The following RUBCNL variants were observed in gnomAD, a reference collection of about 807,000 sequenced individuals.
The protein encoded by RUBCNL is protein associated with UVRAG as autophagy enhancer.
A neutral mutation model predicts 69.5 loss-of-function variants in RUBCNL; 62 were observed. The observed-to-expected ratio is 0.89, with a 90% CI of 0.73 to 1.10. The LOEUF is 1.10. RUBCNL is among the 50% of genes least tolerant of loss of function. The pLI, the probability that RUBCNL is intolerant of heterozygous loss-of-function variation, is 0.00. For missense variants in RUBCNL, 768 were observed against 798.1 expected, an observed-to-expected ratio of 0.96 and a Z score of 0.45; for synonymous variants, 291 against 303.6, an observed-to-expected ratio of 0.96 and a Z score of 0.43.
upstream of RUBCNL, among the ~76,000 whole-genome samples, chr13:46,388,301 G>GGAA (rs1415190928): frequency 2.7e-5 from 4 of 146,166 alleles, no homozygotes; most frequent in Admixed American, 2.1e-4. Flanking sequence ...GAGGGAGGGA[G>GGAA]GGAAGAAGGA....
chr13:46,387,571 C>A, upstream of RUBCNL: 1 of 985,554 alleles, frequency 1.0e-6, no homozygotes, highest in Non-Finnish European at 1.2e-6. Context: ...AAATGACTTC[C>A]CAACCCCAGA....
intron 12 of RUBCNL, among the ~76,000 whole-genome samples, chr13:46,348,940 GCTCT>G (rs531063252): frequency 8.8e-4 from 134 of 152,202 alleles, no homozygotes; most frequent in African/African-American, 3.1e-3. Context: ...CCCTGCAAAT[GCTCT>G]CTCTTTGCCT....
At position 46,368,186 on chromosome 13, in the gene RUBCNL, T is replaced by G. The variant is rs749638649; in HGVS notation, c.682A>C (p.Ile228Leu). Residue 228 changes from isoleucine to leucine, a missense_variant, in exon 5 of 15, where the codon ATT becomes CTT. Transcript: ENST00000429979. ...ISAMEKMKCN[I>L]LSQQQTESWS... ...CTCTCTGTCTGCTGTTGACTCAGAA[T>G]GTTACACTTCATTTTCTCCATTGCT... is the stretch of plus-strand genomic sequence containing the variant. The G allele has an allele frequency of 6.2e-7, 1 of 1,613,892 alleles. No homozygotes were observed. The highest frequency in any genetic ancestry group is 1.3e-5 in the African/African-American group (1 of 74,950).
intron 14 of RUBCNL, among the ~76,000 whole-genome samples, chr13:46,344,259 G>C (rs188597482): frequency 6.6e-6 from 1 of 152,314 alleles, no homozygotes; most frequent in East Asian, 1.9e-4. Context: ...ATTAAACAGA[G>C]TTTACAGAAC....
chr13:46,348,433 A>T (rs2048296624), intron 12 of RUBCNL, among the ~76,000 whole-genome samples: 2 of 152,112 alleles, frequency 1.3e-5, no homozygotes, highest in Admixed American at 6.5e-5. Flanking sequence ...CTTCTTAATG[A>T]GTTAAATTCT....
intron 9 of RUBCNL, 35 bp from the exon 10 acceptor site, chr13:46,356,531 A>G: frequency 6.3e-7 from 1 of 1,587,626 alleles, no homozygotes; most frequent in South Asian, 1.1e-5. Flanking sequence ...TACATTTCAG[A>G]GAAGGCCAAT....
chr13:46,351,679 C>A (rs1487059673), intron 10 of RUBCNL, among the ~76,000 whole-genome samples: 12 of 152,188 alleles, frequency 7.9e-5, no homozygotes, highest in African/African-American at 2.9e-4. Context: ...CATCCAGTTA[C>A]AAATAGGTAT....
intron 1 of RUBCNL, among the ~76,000 whole-genome samples, chr13:46,383,463 C>T (rs1286036606): frequency 1.3e-5 from 2 of 152,250 alleles, no homozygotes; most frequent in Non-Finnish European, 2.9e-5. Context: ...CTCATCAATT[C>T]ATAACTAATG....
intron 7 of RUBCNL, among the ~76,000 whole-genome samples, 188 bp from the exon 8 acceptor site, chr13:46,361,761 AT>A (rs2048616140): frequency 6.6e-6 from 1 of 152,108 alleles, no homozygotes; most frequent in South Asian, 2.1e-4. Flanking sequence ...TAAATAAAGC[AT>A]CTTTTATTTA....
chr13:46,376,480 G>A (rs769616671), intron 2 of RUBCNL, among the ~76,000 whole-genome samples: 54 of 151,948 alleles, frequency 3.6e-4, no homozygotes, highest in Non-Finnish European at 7.1e-4. Flanking sequence ...TGTGTTAACC[G>A]CCAGAACTCA....
At chr13:46,365,588 G>A (rs368319467) in intron 5 of RUBCNL, among the ~76,000 whole-genome samples, 5 of 152,240 alleles carry the variant, frequency 3.3e-5, no homozygotes, top group South Asian at 2.1e-4. Context: ...TGAAGGATGC[G>A]AAGGATGAAA....
At position 46,370,857 on chromosome 13, in the gene RUBCNL, C is replaced by T. The variant is rs182296779; in HGVS notation, c.535+1084G>A. ...AGACTAATCTCTCACTTAGCCACTA[C>T]TAAATTTGCAAGTCACTCTTAATCC... On this transcript the variant is annotated intron_variant, in intron 3 of 14. Coordinates refer to ENST00000429979, the MANE Select transcript of RUBCNL (RefSeq NM_025113.5). Among the ~76,000 whole-genome samples the T allele has an allele frequency of 8.8e-5, 13 of 148,326 alleles. No homozygotes were observed. The East Asian group carries it at 2.6e-3, about 30-fold the overall frequency.
chr13:46,368,770 G>A lies in RUBCNL; in HGVS notation c.581C>T (p.Ser194Leu). The A allele has an allele frequency of 6.2e-7, 1 of 1,613,832 alleles. No individual in the cohort carries two copies. Among genetic ancestry groups the A allele is most frequent in the Non-Finnish European group, 8.5e-7 (1 of 1,179,824 alleles). The change falls in exon 4 of 15, where the codon TCA becomes TTA. Residue 194 changes from serine (S) to leucine (L), a missense_variant. By Grantham distance (145) the Ser-to-Leu change is moderately radical (BLOSUM62 -2). Transcript: ENST00000429979. ...SRRTISSNSF[S>L]PEVFVLPVDV... ...AACAGGCAGCACAAATACCTCTGGT[G>A]AGAAGGAATTCGAAGAAATGGTTCT... is the stretch of plus-strand genomic sequence containing the variant.
chr13:46,383,948 CAGA>C (rs991000656), intron 1 of RUBCNL, among the ~76,000 whole-genome samples: 3 of 152,166 alleles, frequency 2.0e-5, no homozygotes, highest in African/African-American at 4.8e-5. Flanking sequence ...CAGCGGTGAA[CAGA>C]AGATCTTTAA....
At chr13:46,362,949 T>G (rs1179007959) in intron 6 of RUBCNL, among the ~76,000 whole-genome samples, 166 bp downstream of exon 6, 14 of 63,498 alleles carry the variant, frequency 2.2e-4, no homozygotes, top group East Asian at 1.9e-3. Context: ...GATATATATA[T>G]ATATATATAT....
intron 2 of RUBCNL, chr13:46,374,652 C>T (rs2048949984): frequency 6.6e-6 from 1 of 152,344 alleles, no homozygotes; most frequent in East Asian, 1.9e-4. Context: ...TAAATCAGAT[C>T]ATGTCATTGC....
At chr13:46,360,071 G>A (rs1409324226) in intron 8 of RUBCNL, among the ~76,000 whole-genome samples, 2 of 152,116 alleles carry the variant, frequency 1.3e-5, no homozygotes, top group Non-Finnish European at 2.9e-5. Context: ...CTGAACCACT[G>A]GACTTTCCTA....
rs2049033553 is a variant in RUBCNL, at chr13:46,377,958, G to C, written c.-191C>G. On this transcript the variant is annotated 5_prime_UTR_variant, in exon 2 of 15. Transcript: ENST00000429979. ...AAAGTAATGATTGGAAACCATCAAA[G>C]TCCATGCAGTAGTGACAGGAGGTCA... 1.2e-6 allele frequency: 2 copies of C among 1,605,774 alleles called. No individual in the cohort carries two copies. The highest frequency in any genetic ancestry group is 1.3e-5 in the African/African-American group (1 of 74,710).
At position 46,335,370 on chromosome 13, in the gene RUBCNL, C is replaced by G. The variant is rs1171069576; in HGVS notation, c.*8015G>C. On this transcript the variant is annotated 3_prime_UTR_variant, in exon 15 of 15. Coordinates refer to ENST00000429979, the MANE Select transcript of RUBCNL (RefSeq NM_025113.5). ...CCTCCTGCATTGGCCTCCCAAAGTGCTGGGATTACAGACACGAGCCAGCAC... is the reference window on the plus strand; with the variant it reads ...CCTCCTGCATTGGCCTCCCAAAGTGGTGGGATTACAGACACGAGCCAGCAC... Among the ~76,000 whole-genome samples the G allele has an allele frequency of 2.0e-5, 3 of 149,050 alleles. No individual in the cohort carries two copies. The highest frequency in any genetic ancestry group is 7.5e-5 in the African/African-American group (3 of 40,022).
Sources: allele counts gnomAD v4.1 joint callset (sites outside exome capture counted in the v4.1 genomes callset), GRCh38; gene constraint gnomAD v4.1.1; transcripts MANE v1.5; gene names NCBI Gene and HGNC (gene_info 2026-07-23, HGNC 2026-07-21).